Variants in SSBP2 observed in about 807,000 individuals in gnomAD.
SSBP2 encodes single stranded DNA binding protein 2.
Under a neutral mutation model 61.8 loss-of-function variants are expected in SSBP2, and 17 were observed. The ratio of observed to expected loss-of-function variants is 0.28; its 90% CI spans 0.19 to 0.41. The LOEUF (loss-of-function observed/expected upper bound fraction) is 0.41, where lower values mean the gene tolerates loss of function less well. Among genes scored for constraint, SSBP2 ranks in the 10% least tolerant of loss-of-function variants. The probability of loss-of-function intolerance (pLI) is 1.00; values close to 1 mark genes in which losing one functional copy is unlikely to be tolerated. For missense variants in SSBP2, 310 were observed against 458.7 expected (o/e 0.68, Z 2.96); for synonymous variants, 139 against 141.3 (o/e 0.98, Z 0.12).
At chr5:81,555,780 G>C (rs1772545504) in intron 4 of SSBP2, among the ~76,000 whole-genome samples, 1 of 152,096 alleles carries the variant, frequency 6.6e-6, no homozygotes, top group African/African-American at 2.4e-5. Flanking sequence ...AGTTTGTAAA[G>C]TGATTTTCTA....
At chr5:81,709,146 A>T (rs1047542952) in intron 1 of SSBP2, among the ~76,000 whole-genome samples, 3 of 152,028 alleles carry the variant, frequency 2.0e-5, no homozygotes, top group Non-Finnish European at 4.4e-5. Flanking sequence ...AAAGGCTAAA[A>T]CACAAAGCAG....
intron 4 of SSBP2, among the ~76,000 whole-genome samples, chr5:81,586,498 T>C (rs1775062598): frequency 1.3e-5 from 2 of 151,640 alleles, no homozygotes; most frequent in Non-Finnish European, 2.9e-5. Context: ...GGAAGTAAAC[T>C]AAAAGAAAAT....
At chr5:81,423,334 T>C (rs747747377) in intron 16 of SSBP2, among the ~76,000 whole-genome samples, 2 of 152,236 alleles carry the variant, frequency 1.3e-5, no homozygotes, top group African/African-American at 4.8e-5. Context: ...ATAGGGCAGC[T>C]AGATAATCAA....
intron 1 of SSBP2, among the ~76,000 whole-genome samples, chr5:81,675,651 A>T (rs1201790675): frequency 6.6e-6 from 1 of 152,124 alleles, no homozygotes; most frequent in Non-Finnish European, 1.5e-5. Context: ...CTAACTAGTA[A>T]ATGTGTTGAT....
At chr5:81,544,433 C>A (rs1771572298) in intron 4 of SSBP2, among the ~76,000 whole-genome samples, 1 of 152,160 alleles carries the variant, frequency 6.6e-6, no homozygotes, top group South Asian at 2.1e-4. Context: ...TATAACTGGG[C>A]ACCCTGTAAT....
intron 4 of SSBP2, among the ~76,000 whole-genome samples, chr5:81,594,487 C>A (rs974101642): frequency 2.0e-5 from 3 of 152,136 alleles, no homozygotes; most frequent in Non-Finnish European, 2.9e-5. Flanking sequence ...CTGCACCAAG[C>A]GGACCTAACA....
intron 1 of SSBP2, among the ~76,000 whole-genome samples, chr5:81,650,623 C>T (rs931722673): frequency 2.0e-5 from 3 of 152,026 alleles, no homozygotes; most frequent in African/African-American, 7.2e-5. Context: ...AGCTCATTCC[C>T]ATTGCTATAT....
chr5:81,635,828 C>T (rs928092368), intron 3 of SSBP2, among the ~76,000 whole-genome samples: 1 of 152,142 alleles, frequency 6.6e-6, no homozygotes, highest in Non-Finnish European at 1.5e-5. Flanking sequence ...TTGTGATCCA[C>T]CCGCCTCGGC....
intron 16 of SSBP2, among the ~76,000 whole-genome samples, chr5:81,428,067 T>C (rs914649118): frequency 1.3e-5 from 2 of 152,224 alleles, no homozygotes; most frequent in Non-Finnish European, 2.9e-5. Context: ...GCTTCTCTTT[T>C]TGGTTCTGTC....
chr5:81,576,318 A>T (rs1423377101), intron 4 of SSBP2, among the ~76,000 whole-genome samples: 1 of 152,124 alleles, frequency 6.6e-6, no homozygotes, highest in African/African-American at 2.4e-5. Flanking sequence ...ATTTGAGATT[A>T]TTCTGCTAAA....
intron 1 of SSBP2, among the ~76,000 whole-genome samples, chr5:81,719,476 G>T (rs1315721909): frequency 6.6e-6 from 1 of 152,192 alleles, no homozygotes; most frequent in Non-Finnish European, 1.5e-5. Context: ...ATCACTGTGG[G>T]TGCCCAAGGT....
chr5:81,654,232 T>C (rs1472076342), intron 1 of SSBP2, among the ~76,000 whole-genome samples: 4 of 152,302 alleles, frequency 2.6e-5, no homozygotes, highest in Middle Eastern at 3.4e-3. Flanking sequence ...CCCAAAGTGC[T>C]GGGATTACAG....
At chr5:81,650,396 A>C (rs1013355771) in intron 1 of SSBP2, 57 bp from the exon 2 acceptor site, 9 of 1,213,288 alleles carry the variant, frequency 7.4e-6, no homozygotes, top group Non-Finnish European at 1.0e-5. Context: ...CATTCTTTAA[A>C]TAATGCACAT....
At chr5:81,611,513 G>T (rs995309820) in intron 4 of SSBP2, among the ~76,000 whole-genome samples, 3 of 151,998 alleles carry the variant, frequency 2.0e-5, no homozygotes, top group African/African-American at 7.2e-5. Context: ...TAAATTTTAT[G>T]AATTTTACAT....
chr5:81,436,059 G>A (rs1167947627), intron 15 of SSBP2, among the ~76,000 whole-genome samples: 3 of 151,868 alleles, frequency 2.0e-5, no homozygotes, highest in African/African-American at 7.3e-5. Flanking sequence ...TTCGTGGTAT[G>A]AGCCTTTAGT....
chr5:81,432,943 A>G lies in SSBP2; in HGVS notation c.958-4260T>C, dbSNP rs113184394. Among the ~76,000 whole-genome samples the G allele has an allele frequency of 5.8e-3, 781 of 134,700 alleles. 11 individuals are homozygous for G. The highest frequency in any genetic ancestry group is 0.022 in the African/African-American group (747 of 33,594). 88.4% of individuals were successfully genotyped at this position (134,700 alleles called of 152,430 possible). A position where few individuals can be genotyped will look rare whatever the true frequency, so the allele number is the denominator to read the frequency against. Reference sequence around the variant, plus strand: ...GTCCGGGAGGGAGGTGGGGGGGGTCAGCCCCCCGCCCAGCCAGCCGCCCCG... The same window carrying G: ...GTCCGGGAGGGAGGTGGGGGGGGTCGGCCCCCCGCCCAGCCAGCCGCCCCG... On this transcript the variant is annotated intron_variant, in intron 15 of 16. Coordinates refer to ENST00000320672, the MANE Select transcript of SSBP2 (RefSeq NM_012446.5).
intron 2 of SSBP2, among the ~76,000 whole-genome samples, chr5:81,646,999 A>G (rs1316705565): frequency 6.6e-6 from 1 of 152,186 alleles, no homozygotes; most frequent in Admixed American, 6.5e-5. Flanking sequence ...GGGAGGAAAT[A>G]GCAAACTATT....
At chr5:81,677,164 AAC>A (rs1230527224) in intron 1 of SSBP2, among the ~76,000 whole-genome samples, 25 of 152,186 alleles carry the variant, frequency 1.6e-4, no homozygotes, top group African/African-American at 4.6e-4. Context: ...TTATTTATAA[AAC>A]TAATGTGCCC....
intron 1 of SSBP2, among the ~76,000 whole-genome samples, chr5:81,683,924 G>C (rs908527542): frequency 1.3e-5 from 2 of 152,114 alleles, no homozygotes; most frequent in Admixed American, 6.6e-5. Flanking sequence ...TATTTGAATG[G>C]CCAAAATTCA....
Sources: gnomAD v4.1 joint callset for allele counts (sites outside exome capture counted in the v4.1 genomes callset) on GRCh38, gnomAD v4.1.1 for gene constraint, MANE v1.5 for transcripts, NCBI Gene and HGNC (gene_info 2026-07-23, HGNC 2026-07-21) for gene names.